FER: variants seen among roughly 807,000 people sequenced by gnomAD.
FER encodes tyrosine-protein kinase Fer.
A neutral mutation model predicts 111.0 loss-of-function variants in FER; 63 were observed. The observed-to-expected ratio is 0.57, with a 90% confidence interval of 0.46 to 0.70. The LOEUF (loss-of-function observed/expected upper bound fraction) is 0.70, where lower values mean the gene tolerates loss of function less well. Ranked by LOEUF, FER falls within the 30% of genes least tolerant of loss-of-function variation. The probability of loss-of-function intolerance (pLI) is 0.00; values close to 1 mark genes in which losing one functional copy is unlikely to be tolerated. For missense variants in FER, 914 were observed against 954.0 expected, an observed-to-expected ratio of 0.96 and a Z score of 0.55; for synonymous variants, 327 against 313.9, an observed-to-expected ratio of 1.04 and a Z score of -0.44.
intron 13 of FER, among the ~76,000 whole-genome samples, chr5:109,009,233 A>G (rs1469748624): frequency 6.6e-6 from 1 of 151,692 alleles, no homozygotes; most frequent in African/African-American, 2.4e-5. Flanking sequence ...ACGGGGTTTC[A>G]CCATGTTGGC....
chr5:109,118,118 C>T (rs1750491844), intron 17 of FER, among the ~76,000 whole-genome samples: 1 of 152,108 alleles, frequency 6.6e-6, no homozygotes, highest in Non-Finnish European at 1.5e-5. Context: ...CAGTTTTTGC[C>T]CATTCAGTAT....
intron 9 of FER, among the ~76,000 whole-genome samples, chr5:108,885,284 C>T (rs1746948262): frequency 6.6e-6 from 1 of 151,952 alleles, no homozygotes; most frequent in South Asian, 2.1e-4. Flanking sequence ...CCAAACTCAA[C>T]CTAACCTGGT....
chr5:109,106,525 T>C (rs2150078512), intron 17 of FER, among the ~76,000 whole-genome samples: 1 of 152,294 alleles, frequency 6.6e-6, no homozygotes, highest in African/African-American at 2.4e-5. Flanking sequence ...TTAAGCTGTA[T>C]TTTTATTTTT....
intron 17 of FER, among the ~76,000 whole-genome samples, chr5:109,129,733 G>C (rs72796586): frequency 0.021 from 3,206 of 152,088 alleles, 51 homozygotes; most frequent in Middle Eastern, 0.092. Flanking sequence ...CAAGGTTTTC[G>C]TATAGGAATT....
chr5:109,101,435 A>C (rs992816290), intron 17 of FER, among the ~76,000 whole-genome samples: 1 of 151,988 alleles, frequency 6.6e-6, no homozygotes, highest in Non-Finnish European at 1.5e-5. Context: ...TGTATAATAT[A>C]TAATTAAAGG....
At chr5:108,931,457 G>A (rs566268958) in intron 10 of FER, among the ~76,000 whole-genome samples, 5 of 152,034 alleles carry the variant, frequency 3.3e-5, no homozygotes, top group African/African-American at 9.7e-5. Flanking sequence ...ATATCCAAGG[G>A]CCTCTCCTCT....
chr5:108,874,212 T>TTA (rs1487374402), intron 8 of FER, among the ~76,000 whole-genome samples: 3 of 152,184 alleles, frequency 2.0e-5, no homozygotes, highest in Non-Finnish European at 4.4e-5. Flanking sequence ...TAGCTACCTG[T>TTA]TATAAGCTTA....
chr5:108,898,432 C>G (rs568070367), intron 10 of FER, among the ~76,000 whole-genome samples: 7 of 151,914 alleles, frequency 4.6e-5, no homozygotes, highest in African/African-American at 1.4e-4. Context: ...CCACTCCTCT[C>G]CTTTCTTCTC....
intron 16 of FER, among the ~76,000 whole-genome samples, chr5:109,054,358 G>T (rs989288194): frequency 2.6e-5 from 4 of 152,002 alleles, no homozygotes; most frequent in African/African-American, 9.7e-5. Flanking sequence ...ATTTTAATTT[G>T]CCCTTTCCCA....
intron 13 of FER, among the ~76,000 whole-genome samples, chr5:109,001,385 C>T (rs1004330150): frequency 3.3e-5 from 5 of 152,174 alleles, no homozygotes; most frequent in African/African-American, 1.2e-4. Context: ...ACAAAAACCA[C>T]ATGATTATCT....
chr5:108,971,867 C>T (rs537149707), intron 13 of FER, among the ~76,000 whole-genome samples: 9 of 152,096 alleles, frequency 5.9e-5, no homozygotes, highest in African/African-American at 1.9e-4. Flanking sequence ...TATTTATATA[C>T]CTGAACAGTT....
chr5:108,750,066 C>T (rs1750297116), intron 1 of FER, among the ~76,000 whole-genome samples: 1 of 152,152 alleles, frequency 6.6e-6, no homozygotes, highest in African/African-American at 2.4e-5. Flanking sequence ...TAATGGTTGT[C>T]TCACTATCAC....
chr5:109,173,745 T>C (rs1307930110), intron 17 of FER, among the ~76,000 whole-genome samples: 1 of 138,736 alleles, frequency 7.2e-6, no homozygotes, highest in Non-Finnish European at 1.5e-5. Flanking sequence ...GTAAGTGGTA[T>C]AATATGTACC....
chr5:108,996,942 C>T (rs892548538), intron 13 of FER, among the ~76,000 whole-genome samples: 4 of 152,016 alleles, frequency 2.6e-5, no homozygotes, highest in African/African-American at 4.8e-5. Flanking sequence ...CTTCCTTGTA[C>T]AGTGGTTTGT....
intron 10 of FER, among the ~76,000 whole-genome samples, chr5:108,943,113 C>T (rs1380993867): frequency 6.6e-6 from 1 of 152,018 alleles, no homozygotes; most frequent in Non-Finnish European, 1.5e-5. Context: ...ATAGTTCAGC[C>T]TTCTCATTGG....
At chr5:109,062,895 A>G (rs1230741316) in intron 16 of FER, among the ~76,000 whole-genome samples, 1 of 152,224 alleles carries the variant, frequency 6.6e-6, no homozygotes, top group Admixed American at 6.5e-5. Context: ...GCCCTTGGCA[A>G]TCCTCAAACT....
chr5:109,009,863 A>C (rs1023623317), intron 13 of FER, among the ~76,000 whole-genome samples: 1 of 152,178 alleles, frequency 6.6e-6, no homozygotes, highest in African/African-American at 2.4e-5. Context: ...CAGGTTTAAC[A>C]GTGTCATGAT....
At chr5:108,785,915 C>T (rs1161577447) in intron 2 of FER, among the ~76,000 whole-genome samples, 1 of 152,152 alleles carries the variant, frequency 6.6e-6, no homozygotes, top group Non-Finnish European at 1.5e-5. Context: ...TTCCACCTTC[C>T]AGAGTTCTTC....
chr5:108,842,502 G>A (rs1457732806), intron 5 of FER: 1 of 151,520 alleles, frequency 6.6e-6, no homozygotes, highest in Non-Finnish European at 1.5e-5. Flanking sequence ...CCTAACAAAG[G>A]ACTAAAATCC....
Sources: allele counts gnomAD v4.1 joint callset (sites outside exome capture counted in the v4.1 genomes callset), GRCh38; gene constraint gnomAD v4.1.1; transcripts MANE v1.5; gene names NCBI Gene and HGNC (gene_info 2026-07-23, HGNC 2026-07-21).